The following COL6A1 variants were observed in gnomAD, a reference collection of about 807,000 sequenced individuals.
The protein encoded by COL6A1 is collagen alpha-1(VI) chain.
A neutral mutation model predicts 145.6 loss-of-function variants in COL6A1; 80 were observed. The observed-to-expected ratio is 0.55, with a 90% CI of 0.46 to 0.66. The LOEUF is 0.66. COL6A1 is among the 30% of genes least tolerant of loss of function. The pLI is 0.00. For synonymous variants in COL6A1, 638 were observed against 622.8 expected, an observed-to-expected ratio of 1.02 and a Z score of -0.36; for missense variants, 1,364 against 1,473.8, an observed-to-expected ratio of 0.93 and a Z score of 1.22.
At chr21:45,983,504 G>A (rs1285478633) in intron 2 of COL6A1, among the ~76,000 whole-genome samples, 1 of 152,146 alleles carries the variant, frequency 6.6e-6, no homozygotes, top group African/African-American at 2.4e-5. Context: ...CTGACTGGCC[G>A]CTGGGCCGGA....
chr21:45,992,455 G>A, intron 18 of COL6A1, 57 bp downstream of exon 18: 1 of 1,586,990 alleles, frequency 6.3e-7, no homozygotes, highest in South Asian at 1.1e-5. Context: ...TGTGGACGTG[G>A]CCTCTGCGGC....
At chr21:45,990,500 G>T (rs1248080679) in intron 13 of COL6A1, 78 bp downstream of exon 13, 3 of 700,794 alleles carry the variant, frequency 4.3e-6, no homozygotes, top group Admixed American at 3.3e-5. Flanking sequence ...AGTGGACGGC[G>T]TGAAGGTGAC....
chr21:45,989,698 C>A (rs776088998), intron 10 of COL6A1, 46 bp downstream of exon 10: 122 of 1,613,012 alleles, frequency 7.6e-5, no homozygotes, highest in Non-Finnish European at 1.0e-4. Context: ...GTGCCCTCAG[C>A]CTTGCACAGC....
In COL6A1 at chr21:45,984,233, C is replaced by T. The variant is rs766569678; in HGVS notation, c.228-36C>T. ...GACGGGTAGCGATGGCGCCAGGGGC[C>T]GCCCGCCTCACGCCCGCCGTGCCTG... On this transcript the variant is annotated intron_variant, in intron 2 of 34. Coordinates refer to ENST00000361866, the MANE Select transcript of COL6A1 (RefSeq NM_001848.3). The T allele has an allele frequency of 1.3e-5, 20 of 1,569,612 alleles. 2 individuals are homozygous for T. The Admixed American group carries it at 1.5e-4, about 12-fold the overall frequency.
intron 3 of COL6A1, among the ~76,000 whole-genome samples, chr21:45,984,845 C>CAG (rs1241298353): frequency 6.8e-6 from 1 of 146,392 alleles, no homozygotes. Flanking sequence ...CAGACAGAGA[C>CAG]AGAGAGAGAC....
Position 45,992,396 on chromosome 21 carries a change from C to T in COL6A1, c.1270C>T (p.Arg424Trp), listed in dbSNP as rs1034465336. ...AGGACCTGACGGTGCCCCCGGGGAG[C>T]GGGTGAGTGGGGCAGGGGCAGCCTG... The part of the protein sequence containing the change: ...NPGPDGAPGE[R>W]GGPGERGPRG... Residue 424 changes from arginine to tryptophan, a missense_variant and splice_region_variant, in exon 18 of 35, where the codon CGG (arginine) becomes TGG (tryptophan). Arg to Trp is a moderately radical substitution (Grantham distance 101). Coordinates refer to ENST00000361866, the MANE Select transcript of COL6A1 (RefSeq NM_001848.3). The T allele has an allele frequency of 1.1e-5, 18 of 1,612,974 alleles. No homozygotes were observed. Among genetic ancestry groups the T allele is most frequent in the East Asian group, 2.2e-5 (1 of 44,894 alleles).
At position 45,984,308 on chromosome 21, in the gene COL6A1, C is replaced by T. The variant is rs564633080; in HGVS notation, c.267C>T (p.Gly89=). The T allele has an allele frequency of 1.1e-5, 18 of 1,611,280 alleles. No homozygotes were observed. The East Asian group carries it at 1.6e-4, about 14-fold the overall frequency. The change falls in exon 3 of 35, where the codon GGC becomes GGT. Residue 89 remains glycine, a synonymous_variant. Coordinates refer to ENST00000361866, the MANE Select transcript of COL6A1 (RefSeq NM_001848.3). ...ACCGAAACCTGGTGTGGAACGCAGGCGCGCTGCACTACAGTGACGAGGTGG... is the reference window on the plus strand; with the variant it reads ...ACCGAAACCTGGTGTGGAACGCAGGTGCGCTGCACTACAGTGACGAGGTGG... ...RCDRNLVWNA[G]ALHYSDEVEI... is the part of the protein sequence containing the mutation.
rs200442023 is a variant in COL6A1, at chr21:45,990,972, T to A, written c.1057-7T>A. 3.7e-6 allele frequency: 6 copies of A among 1,613,394 alleles called. No individual in the cohort carries two copies. The African/African-American group carries it at 6.7e-5, about 18-fold the overall frequency. ...CCGGTGGTGTCATGCTGCCCTCTTT[T>A]CTCCAGGGCATTCAAGGACCCCCTG... is the stretch of plus-strand genomic sequence containing the variant. On this transcript the variant is annotated splice_polypyrimidine_tract_variant and splice_region_variant and intron_variant, in intron 14 of 34. Coordinates refer to ENST00000361866, the MANE Select transcript of COL6A1 (RefSeq NM_001848.3).
At position 45,984,446 on chromosome 21, in the gene COL6A1, G is replaced by A. The variant is rs762429755; in HGVS notation, c.405G>A (p.Lys135=). 1.2e-6 allele frequency: 2 copies of A among 1,611,388 alleles called. No homozygotes were observed. The highest frequency in any genetic ancestry group is 1.3e-5 in the African/African-American group (1 of 74,954). ...CCTACACCGACTGCGCTATCAAGAA[G>A]GGGCTGGAGCAGCTCCTCGTGGGGT... ...KGTYTDCAIK[K]GLEQLLVGGS... is the part of the protein sequence containing the mutation. Residue 135 remains lysine, a synonymous_variant, in exon 3 of 35, where the codon AAG becomes AAA. Coordinates refer to ENST00000361866, the MANE Select transcript of COL6A1 (RefSeq NM_001848.3).
At chr21:45,999,915 T>TG (rs749345684) in intron 27 of COL6A1, among the ~76,000 whole-genome samples, 5 of 16,022 alleles carry the variant, frequency 3.1e-4, no homozygotes, top group Admixed American at 2.3e-3. Context: ...GTGAGGATCA[T>TG]GGGGGACATG....
chr21:45,988,968 T>C, intron 8 of COL6A1, 116 bp from the exon 9 acceptor site: 1 of 1,260,662 alleles, frequency 7.9e-7, no homozygotes, highest in Non-Finnish European at 1.1e-6. Flanking sequence ...GGAAGGTGCT[T>C]TAAAGCCCTT....
intron 9 of COL6A1, 37 bp from the exon 10 acceptor site, chr21:45,989,571 C>T (rs1478919906): frequency 6.2e-7 from 1 of 1,608,026 alleles, no homozygotes; most frequent in East Asian, 2.2e-5. Flanking sequence ...GCCCCTGCTC[C>T]TCCGGGGGTG....
chr21:45,984,061 G>A (rs1310151978), intron 2 of COL6A1, among the ~76,000 whole-genome samples: 1 of 152,220 alleles, frequency 6.6e-6, no homozygotes, highest in African/African-American at 2.4e-5. Context: ...AGGGCCTGAG[G>A]GATCGGGGCG....
rs981664548 is a variant in COL6A1 at position 46,004,799 on chromosome 21, G to A, written c.*786G>A. ...TGCACTCAAGACCCTCGAGATTAAC[G>A]GTGCTAACCCCGTCTGCTCCTCCCT... On this transcript the variant is annotated 3_prime_UTR_variant, in exon 35 of 35. Transcript: ENST00000361866. 9 of 393,086 alleles carry A rather than the reference G, an allele frequency of 2.3e-5. No individual in the cohort carries two copies. Among genetic ancestry groups the A allele is most frequent in the African/African-American group, 1.9e-4 (9 of 48,546 alleles). The allele number at this position is 393,086 out of a possible 1,614,324, so 24.3% of individuals were successfully genotyped here. A position where few individuals can be genotyped will look rare whatever the true frequency, so the allele number is the denominator to read the frequency against.
rs886044481 is a variant in COL6A1 at position 45,986,962 on chromosome 21, A to G, written c.607A>G (p.Ile203Val). ...PDHLEPRLSI[I>V]ATDHTYRRNF... ...CCCCCAGGAGCCGCGTCTGAGCATC[A>G]TCGCCACGGACCACACGTACCGGCG... is the stretch of plus-strand genomic sequence containing the variant. The change falls in exon 5 of 35, where the codon ATC becomes GTC. Residue 203 changes from isoleucine (I) to valine (V), a missense_variant. Physicochemically the swap from Ile to Val is conservative, Grantham distance 29. This residue lies in a region of COL6A1 where 414 missense variants were observed against 437.6 expected (regional missense o/e 0.95). Transcript: ENST00000361866. 25 of 1,551,704 alleles carry G rather than the reference A, an allele frequency of 1.6e-5. No individual in the cohort carries two copies. Among genetic ancestry groups the G allele is most frequent in the Non-Finnish European group, 2.1e-5 (24 of 1,150,382 alleles).
chr21:45,991,877 G>T, intron 15 of COL6A1, 133 bp from the exon 16 acceptor site: 1 of 846,892 alleles, frequency 1.2e-6, no homozygotes, highest in Admixed American at 2.1e-5. Context: ...GTGCTGGGGG[G>T]TCTGGGCTCA....
In COL6A1 at chr21:45,999,219, G is replaced by GGACCCCCAGGACACCAAGGACCGCC; in HGVS notation, c.1740+1_1740+2insGACCCCCAGGACACCAAGGACCGCC. 6.3e-7 allele frequency: 1 copy of GGACCCCCAGGACACCAAGGACCGCC among 1,592,626 alleles called. No homozygotes were observed. Among genetic ancestry groups the GGACCCCCAGGACACCAAGGACCGCC allele is most frequent in the Non-Finnish European group, 8.5e-7 (1 of 1,170,594 alleles). On this transcript the variant is annotated splice_donor_variant, in intron 26 of 34. Coordinates refer to ENST00000361866, the MANE Select transcript of COL6A1 (RefSeq NM_001848.3). LOFTEE classifies it high-confidence loss of function. ...GTACCGGGGTCCCGAGGGCCCCCAGGTGGGTGGATGTGGCTGGGTGAGGCC... is the reference window on the plus strand; with the variant it reads ...GTACCGGGGTCCCGAGGGCCCCCAGGGACCCCCAGGACACCAAGGACCGCCTGGGTGGATGTGGCTGGGTGAGGCC...
rs2123485173 is a variant in COL6A1 at position 45,999,693 on chromosome 21, G to A, written c.1776+1G>A. 1.9e-6 allele frequency: 3 copies of A among 1,612,142 alleles called. No homozygotes were observed. The highest frequency in any genetic ancestry group is 1.1e-5 in the South Asian group (1 of 90,882). Reference sequence around the variant, plus strand: ...ACACCAAGGACCGCCTGGGCCGGACGTAAGTGGGGCTCTGTGAACATTGCT... The same window carrying A: ...ACACCAAGGACCGCCTGGGCCGGACATAAGTGGGGCTCTGTGAACATTGCT... On this transcript the variant is annotated splice_donor_variant, in intron 27 of 34. Coordinates refer to ENST00000361866, the MANE Select transcript of COL6A1 (RefSeq NM_001848.3). LOFTEE classifies it high-confidence loss of function.
intron 27 of COL6A1, among the ~76,000 whole-genome samples, chr21:46,000,019 TGG>T (rs147675024): frequency 4.0e-5 from 1 of 24,790 alleles, no homozygotes; most frequent in Non-Finnish European, 7.3e-5. Context: ...GTGAGGATCA[TGG>T]GGGACCCGTG....
Sources: gnomAD v4.1 joint callset for allele counts (sites outside exome capture counted in the v4.1 genomes callset) on GRCh38, gnomAD v4.1.1 for gene constraint, gnomAD v4.1.1 regional missense constraint, MANE v1.5 for transcripts, NCBI Gene and HGNC (gene_info 2026-07-23, HGNC 2026-07-21) for gene names.